Variants in HIBCH observed in about 807,000 individuals in gnomAD.
The protein encoded by HIBCH is 3-hydroxyisobutyryl-CoA hydrolase, mitochondrial.
Under a neutral mutation model 58.2 loss-of-function variants are expected in HIBCH, and 50 were observed. That is an observed-to-expected ratio of 0.86 (90% CI 0.68 to 1.09). The LOEUF (loss-of-function observed/expected upper bound fraction) is 1.09. Among genes scored for constraint, HIBCH ranks in the 50% least tolerant of loss-of-function variants. The probability of loss-of-function intolerance (pLI) is 0.00; values close to 1 mark genes in which losing one functional copy is unlikely to be tolerated. For synonymous variants in HIBCH, 151 were observed against 146.9 expected (o/e 1.03, Z -0.20); for missense variants, 450 against 449.7 (o/e 1.00, Z -0.01).
At chr2:190,267,662 T>C (rs1687280267) in intron 6 of HIBCH, among the ~76,000 whole-genome samples, 1 of 152,238 alleles carries the variant, frequency 6.6e-6, no homozygotes, top group Non-Finnish European at 1.5e-5. Context: ...ACCGAGGCTT[T>C]TAGACAAGTA....
intron 7 of HIBCH, among the ~76,000 whole-genome samples, chr2:190,255,533 A>G (rs1454839056): frequency 1.3e-5 from 2 of 152,220 alleles, no homozygotes; most frequent in Non-Finnish European, 2.9e-5. Flanking sequence ...CAACTATAAA[A>G]ACAGACACAA....
chr2:190,212,832 T>C, intron 12 of HIBCH, 124 bp downstream of exon 12: 1 of 827,406 alleles, frequency 1.2e-6, no homozygotes, highest in Non-Finnish European at 1.9e-6. Flanking sequence ...TGTTGTGTTT[T>C]TGTAGAGTAA....
chr2:190,319,787 A>G lies in HIBCH; in HGVS notation c.-37T>C, dbSNP rs377104057. 1 of 1,601,766 alleles carries G rather than the reference A, an allele frequency of 6.2e-7. No individual in the cohort carries two copies. The highest frequency in any genetic ancestry group is 2.2e-5 in the East Asian group (1 of 44,624). On this transcript the variant is annotated 5_prime_UTR_variant, in exon 1 of 14. Coordinates refer to ENST00000359678, the MANE Select transcript of HIBCH (RefSeq NM_014362.4). The stretch of plus-strand genomic sequence containing the variant: ...CCGAAGCTAAAGCAGCAGAGCGAGA[A>G]TCTCCCGGACCGTTCCAGCGCCTCG...
chr2:190,215,277 G>C lies in HIBCH; in HGVS notation c.892-2202C>G, dbSNP rs761967629. The C allele has an allele frequency of 1.3e-5, 2 of 152,226 alleles. No individual in the cohort carries two copies. The highest frequency in any genetic ancestry group is 2.9e-5 in the Non-Finnish European group (2 of 68,052). 9.4% of individuals were successfully genotyped at this position (152,226 alleles called of 1,614,324 possible). On this transcript the variant is annotated intron_variant, in intron 11 of 13. Transcript: ENST00000359678. This position sits in a 1 kb window ranked among gnomAD's most constrained non-coding sequence, Gnocchi z 4.4. ...ATTTGGGAAAGACAGCGTCCTCCCA[G>C]GCAAGAAGTCCTGCCAACTGAGCAG...
chr2:190,230,648 T>G (rs1403031419), intron 11 of HIBCH, among the ~76,000 whole-genome samples: 1 of 152,186 alleles, frequency 6.6e-6, no homozygotes, highest in Non-Finnish European at 1.5e-5. Context: ...TGAGCCAAGA[T>G]CGTGCCGCTG....
Position 190,197,898 on chromosome 2 carries a change from A to T in HIBCH, c.*17+7202T>A, listed in dbSNP as rs945968132. Among the ~76,000 whole-genome samples the T allele has an allele frequency of 6.6e-6, 1 of 152,204 alleles. No homozygotes were observed. The highest frequency in any genetic ancestry group is 2.1e-4 in the South Asian group (1 of 4,830). The stretch of plus-strand genomic sequence containing the variant: ...CCACTCACAGCCTTTTATTTATCTG[A>T]CACTCATTGAGTTCTCCAAGTAATT... On this transcript the variant is annotated intron_variant, in intron 1 of 1. Coordinates refer to the HIBCH transcript ENST00000399855. The surrounding 1 kb of genome is among the most constrained non-coding windows in gnomAD (Gnocchi z 4.0).
At chr2:190,291,617 G>A (rs1390406027) in intron 4 of HIBCH, among the ~76,000 whole-genome samples, 1 of 152,162 alleles carries the variant, frequency 6.6e-6, no homozygotes, top group African/African-American at 2.4e-5. Flanking sequence ...TATTAACATC[G>A]ATAGAAATGT....
At position 190,272,169 on chromosome 2, in the gene HIBCH, T is replaced by C. The variant is rs578222527; in HGVS notation, c.439-10935A>G. On this transcript the variant is annotated intron_variant, in intron 6 of 13. Coordinates refer to ENST00000359678, the MANE Select transcript of HIBCH (RefSeq NM_014362.4). ...TAAGGCTGGTATTGTTTAATGTATT[T>C]CCAGACTACCCCATATTTGCCTGTT... Among the ~76,000 whole-genome samples, 92 of 152,350 alleles carry C rather than the reference T, an allele frequency of 6.0e-4. 1 individual carries two copies. In the Middle Eastern group the frequency reaches 0.017, roughly 28 times the overall value.
chr2:190,254,203 C>T lies in HIBCH; in HGVS notation c.518-1896G>A, dbSNP rs1033729937. On this transcript the variant is annotated intron_variant, in intron 7 of 13. Transcript: ENST00000359678. The surrounding 1 kb of genome is among the most constrained non-coding windows in gnomAD (Gnocchi z 5.0). ...GATGTAACTGCATTTGGAAGCAGGG[C>T]CTTTGAAGAGGTAATTAAGTTTAAG... Among the ~76,000 whole-genome samples the T allele has an allele frequency of 6.6e-6, 1 of 152,030 alleles. No homozygotes were observed. The highest frequency in any genetic ancestry group is 2.4e-5 in the African/African-American group (1 of 41,374).
rs1690398517 is a variant in HIBCH, at chr2:190,206,659, C to T, written c.1046-1427G>A. Among the ~76,000 whole-genome samples, 1 of 152,106 alleles carries T rather than the reference C, an allele frequency of 6.6e-6. No homozygotes were observed. The highest frequency in any genetic ancestry group is 2.1e-4 in the South Asian group (1 of 4,824). The stretch of plus-strand genomic sequence containing the variant: ...AGTAGTAATTTGTTCTAGATGTTAA[C>T]AGTAAGAATTTTTAACAACTGTTAA... On this transcript the variant is annotated intron_variant, in intron 13 of 13. Coordinates refer to ENST00000359678, the MANE Select transcript of HIBCH (RefSeq NM_014362.4). The surrounding 1 kb of genome is among the most constrained non-coding windows in gnomAD (Gnocchi z 5.1).
downstream of HIBCH, chr2:190,202,557 C>T (rs1690279361): frequency 6.0e-6 from 1 of 166,964 alleles, no homozygotes; most frequent in African/African-American, 2.4e-5. Flanking sequence ...GGATATTAGC[C>T]TTCTTTCATA....
chr2:190,301,047 G>C (rs1688244826), intron 2 of HIBCH, among the ~76,000 whole-genome samples: 1 of 152,186 alleles, frequency 6.6e-6, no homozygotes, highest in South Asian at 2.1e-4. Flanking sequence ...TGCTTACCAG[G>C]GGCATAAGCC....
intron 8 of HIBCH, chr2:190,250,250 T>C (rs1174106051): frequency 2.7e-6 from 1 of 366,574 alleles, no homozygotes; most frequent in South Asian, 2.3e-5. Context: ...CTTTTCCTGA[T>C]AATACTCACC....
intron 1 of HIBCH, 184 bp from the exon 2 acceptor site, chr2:190,310,980 G>GA: frequency 1.4e-6 from 1 of 699,194 alleles, no homozygotes; most frequent in South Asian, 1.5e-5. Context: ...CTTTGCACAT[G>GA]AATTTTATGG....
At chr2:190,194,423 TTTAAG>T (rs1188078354) in intron 1 of HIBCH, among the ~76,000 whole-genome samples, 6 of 151,736 alleles carry the variant, frequency 4.0e-5, no homozygotes, top group Admixed American at 6.6e-5. Flanking sequence ...TCAGAGCAGT[TTTAAG>T]TTAACAGAAA....
intron 1 of HIBCH, among the ~76,000 whole-genome samples, chr2:190,314,090 T>TG (rs1688628239): frequency 6.6e-6 from 1 of 151,862 alleles, no homozygotes; most frequent in Non-Finnish European, 1.5e-5. Flanking sequence ...TATGTAACAG[T>TG]GTAAGTACTA....
At chr2:190,312,586 T>C (rs760770234) in intron 1 of HIBCH, among the ~76,000 whole-genome samples, 2 of 152,258 alleles carry the variant, frequency 1.3e-5, no homozygotes, top group South Asian at 2.1e-4. Context: ...ACAACTTGGA[T>C]GACTGAATTT....
chr2:190,220,671 C>T (rs1685690668), intron 11 of HIBCH, among the ~76,000 whole-genome samples: 1 of 151,712 alleles, frequency 6.6e-6, no homozygotes, highest in South Asian at 2.1e-4. Flanking sequence ...ACTGTGCTAA[C>T]AGGCCCCACC....
At chr2:190,277,367 CCTT>C (rs1485819317) in intron 6 of HIBCH, among the ~76,000 whole-genome samples, 4 of 152,088 alleles carry the variant, frequency 2.6e-5, no homozygotes, top group African/African-American at 7.2e-5. Flanking sequence ...AAAAATAAAA[CCTT>C]CTATAACAAA....
Sources: gnomAD v4.1 joint callset for allele counts (sites outside exome capture counted in the v4.1 genomes callset) on GRCh38, gnomAD v4.1.1 for gene constraint, Gnocchi (gnomAD v3.1) non-coding constraint, MANE v1.5 for transcripts, NCBI Gene and HGNC (gene_info 2026-07-23, HGNC 2026-07-21) for gene names.